The following ZC3H7B variants were observed in gnomAD, a reference collection of about 807,000 sequenced individuals.
ZC3H7B encodes the protein zinc finger CCCH domain-containing protein 7B.
In ZC3H7B, 35 loss-of-function variants were observed where a neutral mutation model predicts 116.0. The observed-to-expected ratio is 0.30, with a 90% CI of 0.23 to 0.40. The LOEUF is 0.40. ZC3H7B is among the 10% of genes least tolerant of loss of function. The pLI is 1.00. For missense variants in ZC3H7B, 1,011 were observed against 1,321.5 expected (o/e 0.77, Z 3.64); for synonymous variants, 502 against 545.6 (o/e 0.92, Z 1.11).
At chr22:41,344,299 T>G (rs1202763503) in intron 13 of ZC3H7B, among the ~76,000 whole-genome samples, 2 of 152,100 alleles carry the variant, frequency 1.3e-5, no homozygotes, top group African/African-American at 4.8e-5. Flanking sequence ...CTGAACTTGC[T>G]CCTTGTCCTC....
Position 41,349,001 on chromosome 22 carries a change from G to A in ZC3H7B, c.1767-119G>A. Reference sequence around the variant, plus strand: ...CCTGTGTCATCCATGGCCTGGATTTGGTACATAGATCAGGGGGTGCCCAGG... The same window carrying A: ...CCTGTGTCATCCATGGCCTGGATTTAGTACATAGATCAGGGGGTGCCCAGG... On this transcript the variant is annotated intron_variant, in intron 15 of 22. Transcript: ENST00000352645. The surrounding 1 kb of genome is among the most constrained non-coding windows in gnomAD (Gnocchi z 4.9). The A allele has an allele frequency of 2.7e-6, 3 of 1,112,060 alleles. No individual in the cohort carries two copies. The highest frequency in any genetic ancestry group is 3.8e-6 in the Non-Finnish European group (3 of 780,830). The allele number at this position is 1,112,060 out of a possible 1,614,324, so 68.9% of individuals were successfully genotyped here. A position where few individuals can be genotyped will look rare whatever the true frequency, so the allele number is the denominator to read the frequency against.
intron 1 of ZC3H7B, among the ~76,000 whole-genome samples, chr22:41,320,161 C>T (rs573029194): frequency 2.6e-5 from 4 of 151,716 alleles, no homozygotes; most frequent in African/African-American, 4.8e-5. Context: ...GGCGAAACCT[C>T]GTCTCTACTA....
At chr22:41,306,063 CA>C (rs2036036999) in intron 1 of ZC3H7B, among the ~76,000 whole-genome samples, 1 of 152,056 alleles carries the variant, frequency 6.6e-6, no homozygotes, top group African/African-American at 2.4e-5. Flanking sequence ...TGGACAAAGG[CA>C]GGGATGTATA....
intron 1 of ZC3H7B, among the ~76,000 whole-genome samples, chr22:41,311,356 A>C (rs1314825403): frequency 6.6e-6 from 1 of 152,070 alleles, no homozygotes; most frequent in East Asian, 1.9e-4. Context: ...GAATAGAGTC[A>C]GGGAATAATG....
At chr22:41,326,928 G>T (rs1346669411) in intron 4 of ZC3H7B, among the ~76,000 whole-genome samples, 1 of 152,206 alleles carries the variant, frequency 6.6e-6, no homozygotes, top group Non-Finnish European at 1.5e-5. Flanking sequence ...TGAGTGGCCG[G>T]GCTCATGGTT....
At chr22:41,326,728 G>T (rs1030559962) in intron 4 of ZC3H7B, among the ~76,000 whole-genome samples, 3 of 152,198 alleles carry the variant, frequency 2.0e-5, no homozygotes, top group Non-Finnish European at 2.9e-5. Context: ...AGGCTCTCTA[G>T]AGGACCCCAT....
intron 7 of ZC3H7B, chr22:41,333,800 C>G (rs893527665): frequency 2.0e-5 from 3 of 152,142 alleles, no homozygotes; most frequent in African/African-American, 7.2e-5. Flanking sequence ...AGCTCACAGT[C>G]TAGGATGGAC....
rs2036628364 is a variant in ZC3H7B at position 41,349,304 on chromosome 22, G to A, written c.1948+3G>A. On this transcript the variant is annotated splice_donor_region_variant and intron_variant, in intron 16 of 22. Transcript: ENST00000352645. This position sits in a 1 kb window ranked among gnomAD's most constrained non-coding sequence, Gnocchi z 4.9. Reference sequence around the variant, plus strand: ...CTGGCTGCTGCAGCAGTACTCAGGTGAGGGGCAGGCGGTGCAGGTGGAGGG... The same window carrying A: ...CTGGCTGCTGCAGCAGTACTCAGGTAAGGGGCAGGCGGTGCAGGTGGAGGG... 1 of 1,613,028 alleles carries A rather than the reference G, an allele frequency of 6.2e-7. No individual in the cohort carries two copies. Among genetic ancestry groups the A allele is most frequent in the African/African-American group, 1.3e-5 (1 of 74,924 alleles).
At chr22:41,316,054 C>T (rs923333913) in intron 1 of ZC3H7B, among the ~76,000 whole-genome samples, 13 of 150,612 alleles carry the variant, frequency 8.6e-5, no homozygotes, top group Admixed American at 7.9e-4. Flanking sequence ...AGTGCAATGG[C>T]GCTATCTCGG....
At position 41,327,288 on chromosome 22, in the gene ZC3H7B, C is replaced by T; in HGVS notation, c.368C>T (p.Ala123Val). 6.2e-7 allele frequency: 1 copy of T among 1,613,994 alleles called. No individual in the cohort carries two copies. The highest frequency in any genetic ancestry group is 8.5e-7 in the Non-Finnish European group (1 of 1,180,048). ...AGTATCCGGGCGTTGTTCCGCAAGG[C>T]ACGCGCTCTCAATGAACTGGGACGC... The part of the protein sequence containing the change: ...SESIRALFRK[A>V]RALNELGRHK... Residue 123 changes from alanine (A) to valine (V), a missense_variant, in exon 5 of 23, where the codon GCA becomes GTA. Ala to Val is a moderately conservative substitution (Grantham distance 64). Coordinates refer to ENST00000352645, the MANE Select transcript of ZC3H7B (RefSeq NM_017590.6). The surrounding 1 kb of genome is among the most constrained non-coding windows in gnomAD (Gnocchi z 4.5).
chr22:41,311,986 C>A (rs1258884373), intron 1 of ZC3H7B, among the ~76,000 whole-genome samples: 1 of 151,722 alleles, frequency 6.6e-6, no homozygotes, highest in Non-Finnish European at 1.5e-5. Flanking sequence ...TAAATTAATC[C>A]TTTACTGGTA....
At position 41,327,291 on chromosome 22, in the gene ZC3H7B, G is replaced by A. The variant is rs367879359; in HGVS notation, c.371G>A (p.Arg124His). The part of the protein sequence containing the change: ...ESIRALFRKA[R>H]ALNELGRHKE... ...ATCCGGGCGTTGTTCCGCAAGGCACGCGCTCTCAATGAACTGGGACGCCAC... is the reference window on the plus strand; with the variant it reads ...ATCCGGGCGTTGTTCCGCAAGGCACACGCTCTCAATGAACTGGGACGCCAC... Residue 124 changes from arginine (R) to histidine (H), a missense_variant, in exon 5 of 23, where the codon CGC (arginine) becomes CAC (histidine). Physicochemically the swap from Arg to His is conservative, Grantham distance 29. Around this residue, in one of 5 missense-constraint regions of ZC3H7B, gnomAD observed 322 missense variants for 443.9 expected, o/e 0.73. Coordinates refer to ENST00000352645, the MANE Select transcript of ZC3H7B (RefSeq NM_017590.6). The surrounding 1 kb of genome is among the most constrained non-coding windows in gnomAD (Gnocchi z 4.5). The A allele has an allele frequency of 1.1e-5, 18 of 1,613,828 alleles. No homozygotes were observed. The highest frequency in any genetic ancestry group is 1.4e-5 in the Non-Finnish European group (16 of 1,180,052).
In ZC3H7B at chr22:41,302,721, C is replaced by T. The variant is rs1398755808; in HGVS notation, c.-7+949C>T. 1.3e-5 allele frequency among the ~76,000 whole-genome samples: 2 copies of T among 152,200 alleles called. No homozygotes were observed. The highest frequency in any genetic ancestry group is 6.5e-5 in the Admixed American group (1 of 15,284). On this transcript the variant is annotated intron_variant, in intron 1 of 22. Coordinates refer to ENST00000352645, the MANE Select transcript of ZC3H7B (RefSeq NM_017590.6). This position sits in a 1 kb window ranked among gnomAD's most constrained non-coding sequence, Gnocchi z 5.7. Reference sequence around the variant, plus strand: ...GGACTTTCACAGACAAAGCCGTCTTCCCAGGGGGGAAAATAATCATATAAA... The same window carrying T: ...GGACTTTCACAGACAAAGCCGTCTTTCCAGGGGGGAAAATAATCATATAAA...
Position 41,327,329 on chromosome 22 carries a change from G to C in ZC3H7B, c.409G>C (p.Glu137Gln). The C allele has an allele frequency of 6.2e-7, 1 of 1,613,108 alleles. No individual in the cohort carries two copies. The highest frequency in any genetic ancestry group is 8.5e-7 in the Non-Finnish European group (1 of 1,180,038). Reference sequence around the variant, plus strand: ...ACTGGGACGCCACAAGGAGGCCTACGAGTGCAGCAGCCGGTGTTCCCTCGC... The same window carrying C: ...ACTGGGACGCCACAAGGAGGCCTACCAGTGCAGCAGCCGGTGTTCCCTCGC... ...NELGRHKEAY[E>Q]CSSRCSLALP... Residue 137 changes from glutamate (E) to glutamine (Q), a missense_variant, in exon 5 of 23, where the codon GAG (glutamate) becomes CAG (glutamine). This residue lies in a region of ZC3H7B where 322 missense variants were observed against 443.9 expected (regional missense o/e 0.73). Coordinates refer to ENST00000352645, the MANE Select transcript of ZC3H7B (RefSeq NM_017590.6). The surrounding 1 kb of genome is among the most constrained non-coding windows in gnomAD (Gnocchi z 4.5).
chr22:41,332,364 G>A (rs952904774), intron 7 of ZC3H7B, 137 bp downstream of exon 7: 74 of 1,065,700 alleles, frequency 6.9e-5, no homozygotes, highest in Non-Finnish European at 8.7e-5. Context: ...CCGTGTCCAC[G>A]GGGGCAGGAT....
intron 13 of ZC3H7B, 119 bp from the exon 14 acceptor site, chr22:41,345,884 G>A: frequency 2.0e-6 from 2 of 998,974 alleles, no homozygotes; most frequent in African/African-American, 1.6e-5. Flanking sequence ...GTGTTGGGGT[G>A]GAGCGAAGCC....
At chr22:41,329,129 C>A (rs1337326550) in intron 5 of ZC3H7B, among the ~76,000 whole-genome samples, 1 of 150,194 alleles carries the variant, frequency 6.7e-6, no homozygotes, top group Non-Finnish European at 1.5e-5. Context: ...CTCTTGAACT[C>A]AGGAGGCAAA....
intron 1 of ZC3H7B, among the ~76,000 whole-genome samples, chr22:41,308,044 A>G (rs372456345): frequency 2.4e-4 from 37 of 152,268 alleles, no homozygotes; most frequent in African/African-American, 7.9e-4. Context: ...TTTTCAGAAG[A>G]AAAAGACTGA....
At chr22:41,313,360 C>T (rs1055580186) in intron 1 of ZC3H7B, among the ~76,000 whole-genome samples, 1 of 152,182 alleles carries the variant, frequency 6.6e-6, no homozygotes, top group Non-Finnish European at 1.5e-5. Context: ...GATCCGCCCA[C>T]CTTGGCCTCC....
Sources: gnomAD v4.1 joint callset for allele counts (sites outside exome capture counted in the v4.1 genomes callset) on GRCh38, gnomAD v4.1.1 for gene constraint, gnomAD v4.1.1 regional missense constraint, Gnocchi (gnomAD v3.1) non-coding constraint, MANE v1.5 for transcripts, NCBI Gene and HGNC (gene_info 2026-07-23, HGNC 2026-07-21) for gene names.